FOXK1: variants seen among roughly 807,000 people sequenced by gnomAD.
FOXK1 encodes forkhead box K1, also known as forkhead box protein K1.
FOXK1 carries 19 observed loss-of-function variants against 51.9 expected under a neutral mutation model. That is an observed-to-expected ratio of 0.37 (90% confidence interval 0.26 to 0.54). The LOEUF (loss-of-function observed/expected upper bound fraction) is 0.54. FOXK1 is among the 20% of genes least tolerant of loss of function. The pLI is 0.87. For missense variants in FOXK1, 870 were observed against 1,032.7 expected (o/e 0.84, Z 2.16); for synonymous variants, 537 against 482.6 (o/e 1.11, Z -1.48).
chr7:4,760,954 T>C, intron 7 of FOXK1, 110 bp from the exon 8 acceptor site: 1 of 975,388 alleles, frequency 1.0e-6, no homozygotes, highest in Admixed American at 1.9e-5. Context: ...ACCTATTTTT[T>C]CCCAGTGCCG....
chr7:4,718,969 C>T (rs947583481), intron 1 of FOXK1, among the ~76,000 whole-genome samples: 10 of 152,054 alleles, frequency 6.6e-5, no homozygotes, highest in Admixed American at 2.0e-4. Context: ...GCCACCACGC[C>T]CGGCTAATTT....
At chr7:4,712,007 G>A (rs976721472) in intron 1 of FOXK1, among the ~76,000 whole-genome samples, 12 of 152,074 alleles carry the variant, frequency 7.9e-5, no homozygotes, top group East Asian at 1.9e-4. Context: ...CACCAAGTCC[G>A]AAGCTGGAAG....
rs571794971 is a variant in FOXK1 at position 4,735,170 on chromosome 7, G to T, written c.561-5668G>T. 6.6e-6 allele frequency among the ~76,000 whole-genome samples: 1 copy of T among 152,076 alleles called. No homozygotes were observed. Among genetic ancestry groups the T allele is most frequent in the Non-Finnish European group, 1.5e-5 (1 of 68,018 alleles). ...GTGGAGCGGTGGCCAGTTCCAGCTCGCTGTGTAGAGACGGCTCTGTGGTCT... is the reference window on the plus strand; with the variant it reads ...GTGGAGCGGTGGCCAGTTCCAGCTCTCTGTGTAGAGACGGCTCTGTGGTCT... On this transcript the variant is annotated intron_variant, in intron 1 of 8. Transcript: ENST00000328914. The surrounding 1 kb of genome is among the most constrained non-coding windows in gnomAD (Gnocchi z 4.7).
Position 4,683,582 on chromosome 7 carries a change from G to T in FOXK1, c.560+714G>T, listed in dbSNP as rs1197536980. On this transcript the variant is annotated intron_variant, in intron 1 of 8. Coordinates refer to ENST00000328914, the MANE Select transcript of FOXK1 (RefSeq NM_001037165.2). The surrounding 1 kb of genome is among the most constrained non-coding windows in gnomAD (Gnocchi z 4.5). The stretch of plus-strand genomic sequence containing the variant: ...ACCCTCAACCCTTCCAGGTCACCCT[G>T]GACCCCCACCAGCTTGGACTCCAGG... 1.3e-5 allele frequency among the ~76,000 whole-genome samples: 2 copies of T among 151,218 alleles called. No individual in the cohort carries two copies. The highest frequency in any genetic ancestry group is 4.9e-5 in the African/African-American group (2 of 41,144).
chr7:4,713,258 C>A (rs1034140159), intron 1 of FOXK1, among the ~76,000 whole-genome samples: 7 of 152,134 alleles, frequency 4.6e-5, no homozygotes, highest in Admixed American at 4.6e-4. Context: ...CTGTACTGAT[C>A]GTAACAGTGC....
chr7:4,733,825 C>T lies in FOXK1; in HGVS notation c.561-7013C>T, dbSNP rs1332007234. Reference sequence around the variant, plus strand: ...CCCCGAAGCTGCAGGCTGGGTGGGACGGTGGGAGCCTTTCCCTGGTCTTTA... The same window carrying T: ...CCCCGAAGCTGCAGGCTGGGTGGGATGGTGGGAGCCTTTCCCTGGTCTTTA... On this transcript the variant is annotated intron_variant, in intron 1 of 8. Coordinates refer to ENST00000328914, the MANE Select transcript of FOXK1 (RefSeq NM_001037165.2). The surrounding 1 kb of genome is among the most constrained non-coding windows in gnomAD (Gnocchi z 5.0). Among the ~76,000 whole-genome samples the T allele has an allele frequency of 1.3e-5, 2 of 152,312 alleles. No individual in the cohort carries two copies. Among genetic ancestry groups the T allele is most frequent in the South Asian group, 2.1e-4 (1 of 4,834 alleles).
At chr7:4,688,600 C>G (rs1401685687) in intron 1 of FOXK1, among the ~76,000 whole-genome samples, 1 of 152,078 alleles carries the variant, frequency 6.6e-6, no homozygotes, top group East Asian at 1.9e-4. Flanking sequence ...GTTGGCCAGG[C>G]TGGTCTCGAA....
At chr7:4,732,121 C>A (rs1258616269) in intron 1 of FOXK1, among the ~76,000 whole-genome samples, 2 of 152,234 alleles carry the variant, frequency 1.3e-5, no homozygotes, top group African/African-American at 4.8e-5. Context: ...CTGTTGTAAA[C>A]GTTTCCATAT....
chr7:4,744,079 G>A (rs192120143), intron 2 of FOXK1, among the ~76,000 whole-genome samples: 3 of 152,020 alleles, frequency 2.0e-5, no homozygotes, highest in African/African-American at 4.8e-5. Context: ...GGGTTTCACC[G>A]TATTGAAAGA....
chr7:4,704,832 T>C (rs1298909087), intron 1 of FOXK1, among the ~76,000 whole-genome samples: 1 of 143,790 alleles, frequency 7.0e-6, no homozygotes, highest in Admixed American at 6.7e-5. Flanking sequence ...CTATGTTTCA[T>C]TCTTTTTTTT....
chr7:4,682,790 G>A lies in FOXK1; in HGVS notation c.482G>A (p.Arg161His), dbSNP rs1429416494. The change falls in exon 1 of 9, where the codon CGC becomes CAC. Residue 161 changes from arginine to histidine, a missense_variant. This residue lies in a region of FOXK1 where 399 missense variants were observed against 475.6 expected (regional missense o/e 0.84). Transcript: ENST00000328914. This position sits in a 1 kb window ranked among gnomAD's most constrained non-coding sequence, Gnocchi z 7.6. ...TTCCAGGAGCCGCACTTCTACCTGC[G>A]CTGCCTCGGCAAGAACGGCGTCTTC... is the stretch of plus-strand genomic sequence containing the variant. ...LSFQEPHFYL[R>H]CLGKNGVFVD... 1.9e-6 allele frequency: 3 copies of A among 1,590,890 alleles called. No individual in the cohort carries two copies. In the South Asian group the frequency reaches 3.4e-5, roughly 18 times the overall value.
In FOXK1 at chr7:4,752,392, G is replaced by T. The variant is rs553368806; in HGVS notation, c.747-2067G>T. 6.6e-5 allele frequency among the ~76,000 whole-genome samples: 10 copies of T among 152,352 alleles called. No individual in the cohort carries two copies. In the South Asian group the frequency reaches 1.0e-3, roughly 16 times the overall value. ...CCATGTGGGCTCAAGCGATCCTCCT[G>T]CCTGGGCCTCCCAAATTGCTGGGCT... On this transcript the variant is annotated intron_variant, in intron 2 of 8. Coordinates refer to ENST00000328914, the MANE Select transcript of FOXK1 (RefSeq NM_001037165.2).
chr7:4,725,168 C>G (rs559555022), intron 1 of FOXK1, among the ~76,000 whole-genome samples: 3 of 152,246 alleles, frequency 2.0e-5, no homozygotes, highest in Non-Finnish European at 2.9e-5. Flanking sequence ...CGTTCTCTCT[C>G]TGAATTTGTT....
intron 1 of FOXK1, among the ~76,000 whole-genome samples, chr7:4,696,192 C>T (rs904890959): frequency 4.6e-5 from 7 of 151,728 alleles, no homozygotes; most frequent in African/African-American, 1.7e-4. Flanking sequence ...TTCCATTTGT[C>T]CCTGTCTTAA....
rs1292790181 is a variant in FOXK1, at chr7:4,755,440, C to G, written c.1050+57C>G. ...CTGAAGGCCCTTAGAACATGGAACT[C>G]ACAGGCATATTGCTTCCCTTAAAAC... On this transcript the variant is annotated intron_variant, in intron 4 of 8. Coordinates refer to ENST00000328914, the MANE Select transcript of FOXK1 (RefSeq NM_001037165.2). This position sits in a 1 kb window ranked among gnomAD's most constrained non-coding sequence, Gnocchi z 6.6. 3.8e-6 allele frequency: 6 copies of G among 1,592,960 alleles called. No homozygotes were observed. The highest frequency in any genetic ancestry group is 5.1e-6 in the Non-Finnish European group (6 of 1,167,248).
rs114318457 is a variant in FOXK1, at chr7:4,717,792, G to A, written c.561-23046G>A. Among the ~76,000 whole-genome samples the A allele has an allele frequency of 2.9e-3, 448 of 152,282 alleles. 5 individuals are homozygous for A. The highest frequency in any genetic ancestry group is 8.0e-3 in the African/African-American group (333 of 41,538). On this transcript the variant is annotated intron_variant, in intron 1 of 8. Transcript: ENST00000328914. ...GTTTCTTCTGAAGCTTTGCTGCACC[G>A]TGTATGTTTAGTTACAAACACACTA... is the stretch of plus-strand genomic sequence containing the variant.
At position 4,682,776 on chromosome 7, in the gene FOXK1, G is replaced by A; in HGVS notation, c.468G>A (p.Pro156=). The change falls in exon 1 of 9, where the codon CCG becomes CCA. Residue 156 remains proline (P), a synonymous_variant. Transcript: ENST00000328914. The surrounding 1 kb of genome is among the most constrained non-coding windows in gnomAD (Gnocchi z 7.6). ...ACCTGCAGCTCAGCTTCCAGGAGCC[G>A]CACTTCTACCTGCGCTGCCTCGGCA... ...RRHLQLSFQE[P]HFYLRCLGKN... is the part of the protein sequence containing the mutation. 5 of 1,593,982 alleles carry A rather than the reference G, an allele frequency of 3.1e-6. No homozygotes were observed. The highest frequency in any genetic ancestry group is 4.3e-6 in the Non-Finnish European group (5 of 1,175,974).
rs1293135333 is a variant in FOXK1, at chr7:4,759,154, G to C, written c.1348G>C (p.Asp450His). The change falls in exon 6 of 9, where the codon GAC becomes CAC. Residue 450 changes from aspartate to histidine, a missense_variant. Transcript: ENST00000328914. ...LSREGSPIPH[D>H]PEFGSKLASV... ...TCGGGAGGGCTCCCCCATTCCACACGACCCTGAGTTTGGGTCCAAGTTAGC... is the reference window on the plus strand; with the variant it reads ...TCGGGAGGGCTCCCCCATTCCACACCACCCTGAGTTTGGGTCCAAGTTAGC... 1 of 1,612,528 alleles carries C rather than the reference G, an allele frequency of 6.2e-7. No homozygotes were observed. Among genetic ancestry groups the C allele is most frequent in the East Asian group, 2.2e-5 (1 of 44,856 alleles).
In FOXK1 at chr7:4,761,275, C is replaced by G. The variant is rs555700334; in HGVS notation, c.1908C>G (p.Ala636=). ...ATGCGGTTCCCACGAACAGTTTAGC[C>G]GGCAACGCTTACGGTGAGGCCCTGG... ...GKHAVPTNSL[A]GNAYALTSPL... is the part of the protein sequence containing the mutation. Residue 636 remains alanine (A), a synonymous_variant, in exon 8 of 9, where the codon GCC becomes GCG. Coordinates refer to ENST00000328914, the MANE Select transcript of FOXK1 (RefSeq NM_001037165.2). The surrounding 1 kb of genome is among the most constrained non-coding windows in gnomAD (Gnocchi z 6.2). 3 of 1,612,416 alleles carry G rather than the reference C, an allele frequency of 1.9e-6. No individual in the cohort carries two copies. Among genetic ancestry groups the G allele is most frequent in the Non-Finnish European group, 1.7e-6 (2 of 1,180,000 alleles).
Sources: gnomAD v4.1 joint callset for allele counts (sites outside exome capture counted in the v4.1 genomes callset) on GRCh38, gnomAD v4.1.1 for gene constraint, gnomAD v4.1.1 regional missense constraint, Gnocchi (gnomAD v3.1) non-coding constraint, MANE v1.5 for transcripts, NCBI Gene and HGNC (gene_info 2026-07-23, HGNC 2026-07-21) for gene names.